The following CSMD1 variants were observed in gnomAD, a reference collection of about 807,000 sequenced individuals.
The protein encoded by CSMD1 is CUB and sushi domain-containing protein 1.
A neutral mutation model predicts 417.5 loss-of-function variants in CSMD1; 213 were observed. The observed-to-expected ratio is 0.51, with a 90% CI of 0.46 to 0.57. The LOEUF is 0.57. CSMD1 is among the 20% of genes least tolerant of loss of function. The probability of loss-of-function intolerance (pLI) is 0.00; values close to 1 mark genes in which losing one functional copy is unlikely to be tolerated. For synonymous variants in CSMD1, 2,862 were observed against 1,736.8 expected, an observed-to-expected ratio of 1.65 and a Z score of -16.11; for missense variants, 6,923 against 4,529.7, an observed-to-expected ratio of 1.53 and a Z score of -15.17.
chr8:3,076,000 G>A (rs145474679), intron 49 of CSMD1, among the ~76,000 whole-genome samples: 2,163 of 151,112 alleles, frequency 0.014, 28 homozygotes, highest in South Asian at 0.037. Flanking sequence ...GCAGTGAGCC[G>A]AGATCGCGCC....
chr8:4,424,704 C>A (rs188781965), intron 2 of CSMD1, among the ~76,000 whole-genome samples: 1 of 152,026 alleles, frequency 6.6e-6, no homozygotes, highest in African/African-American at 2.4e-5. Flanking sequence ...TCTGACCAAA[C>A]AATTGTTCTT....
chr8:4,128,076 A>G (rs918628791), intron 3 of CSMD1, among the ~76,000 whole-genome samples: 8 of 152,170 alleles, frequency 5.3e-5, no homozygotes, highest in East Asian at 3.9e-4. Flanking sequence ...CAAGACCTCA[A>G]AATGGTTCCT....
chr8:4,718,982 C>T (rs1406091483), intron 1 of CSMD1, among the ~76,000 whole-genome samples: 2 of 151,694 alleles, frequency 1.3e-5, no homozygotes, highest in Admixed American at 1.3e-4. Flanking sequence ...ATATGAAAAA[C>T]TTTGAAGATA....
At chr8:4,376,042 G>T (rs771272843) in intron 3 of CSMD1, among the ~76,000 whole-genome samples, 4 of 152,076 alleles carry the variant, frequency 2.6e-5, no homozygotes, top group Non-Finnish European at 4.4e-5. Flanking sequence ...TTTAAGTCTT[G>T]ATATCTATAC....
At chr8:4,204,229 C>A (rs1238068557) in intron 3 of CSMD1, among the ~76,000 whole-genome samples, 1 of 152,000 alleles carries the variant, frequency 6.6e-6, no homozygotes, top group Non-Finnish European at 1.5e-5. Context: ...ACCAGAACAT[C>A]CTCTTTTTTC....
chr8:4,272,738 C>T (rs1387429082), intron 3 of CSMD1, among the ~76,000 whole-genome samples: 1 of 152,062 alleles, frequency 6.6e-6, no homozygotes, highest in Non-Finnish European at 1.5e-5. Context: ...GTACATTTTT[C>T]ATTCTGTAAT....
chr8:4,061,635 G>A (rs374596380), intron 3 of CSMD1, among the ~76,000 whole-genome samples: 1 of 152,172 alleles, frequency 6.6e-6, no homozygotes, highest in East Asian at 1.9e-4. Flanking sequence ...GATTCTGCAA[G>A]GGAGGATGGA....
At chr8:3,853,363 G>C (rs186398416) in intron 5 of CSMD1, among the ~76,000 whole-genome samples, 9 of 152,032 alleles carry the variant, frequency 5.9e-5, no homozygotes, top group Non-Finnish European at 1.0e-4. Flanking sequence ...CTTTAAAAAG[G>C]TATTGTTATG....
chr8:4,022,441 G>C (rs945699879), intron 4 of CSMD1, among the ~76,000 whole-genome samples: 1 of 152,090 alleles, frequency 6.6e-6, no homozygotes, highest in Non-Finnish European at 1.5e-5. Context: ...ATCCATGGGC[G>C]TGGATGCAGA....
chr8:4,120,810 A>G (rs1802443899), intron 3 of CSMD1, among the ~76,000 whole-genome samples: 1 of 152,256 alleles, frequency 6.6e-6, no homozygotes, highest in Non-Finnish European at 1.5e-5. Context: ...AGCTCATGAC[A>G]TGCCAGAAAT....
intron 2 of CSMD1, among the ~76,000 whole-genome samples, chr8:4,570,082 A>C (rs1194401670): frequency 6.6e-6 from 1 of 152,190 alleles, no homozygotes; most frequent in African/African-American, 2.4e-5. Flanking sequence ...CGTCGTCTGC[A>C]AACAGAGACA....
chr8:3,714,088 T>C (rs575430436), intron 6 of CSMD1, among the ~76,000 whole-genome samples: 8 of 150,566 alleles, frequency 5.3e-5, no homozygotes, highest in Non-Finnish European at 8.9e-5. Flanking sequence ...ATGTATATAA[T>C]CATGTATATA....
At chr8:4,165,653 T>C (rs1028153878) in intron 3 of CSMD1, among the ~76,000 whole-genome samples, 5 of 152,156 alleles carry the variant, frequency 3.3e-5, no homozygotes, top group Admixed American at 6.5e-5. Context: ...TCATTGAACC[T>C]TGGCCTCCCA....
At chr8:3,917,294 G>A (rs1049464137) in intron 5 of CSMD1, among the ~76,000 whole-genome samples, 21 of 152,130 alleles carry the variant, frequency 1.4e-4, no homozygotes, top group Non-Finnish European at 1.9e-4. Context: ...GAAATTAGGT[G>A]ATGCGTTGGG....
chr8:3,705,503 G>A (rs1310337779), intron 7 of CSMD1, among the ~76,000 whole-genome samples: 1 of 152,176 alleles, frequency 6.6e-6, no homozygotes, highest in Non-Finnish European at 1.5e-5. Flanking sequence ...CCTGGCCACT[G>A]CTGTCACTTC....
At chr8:3,400,481 A>G (rs984143939) in intron 15 of CSMD1, among the ~76,000 whole-genome samples, 1 of 152,118 alleles carries the variant, frequency 6.6e-6, no homozygotes, top group Non-Finnish European at 1.5e-5. Flanking sequence ...AAAAATGTGA[A>G]TTAGTGAAAT....
chr8:4,153,144 C>A (rs1796658309), intron 3 of CSMD1, among the ~76,000 whole-genome samples: 1 of 152,116 alleles, frequency 6.6e-6, no homozygotes, highest in Non-Finnish European at 1.5e-5. Flanking sequence ...AATACTGAAT[C>A]TTGACTGTGG....
rs542136162 is a variant in CSMD1, at chr8:3,682,768, A to G, written c.1009+25646T>C. 8.0e-4 allele frequency among the ~76,000 whole-genome samples: 122 copies of G among 152,358 alleles called. 1 individual carries two copies. The highest frequency in any genetic ancestry group is 2.7e-3 in the Admixed American group (42 of 15,304). ...GTATGTTTATTGCGGCACTATTCACAATAGCAAAGACTTGGATCCAACCTA... is the reference window on the plus strand; with the variant it reads ...GTATGTTTATTGCGGCACTATTCACGATAGCAAAGACTTGGATCCAACCTA... On this transcript the variant is annotated intron_variant, in intron 7 of 69. Coordinates refer to ENST00000635120, the MANE Select transcript of CSMD1 (RefSeq NM_033225.6).
At chr8:3,411,825 T>TGCAC (rs1812745824) in intron 12 of CSMD1, among the ~76,000 whole-genome samples, 93 of 64,222 alleles carry the variant, frequency 1.4e-3, no homozygotes, top group East Asian at 0.011. Flanking sequence ...TACGTGTATA[T>TGCAC]GTATATATGC....
Sources: allele counts gnomAD v4.1 joint callset (sites outside exome capture counted in the v4.1 genomes callset), GRCh38; gene constraint gnomAD v4.1.1; transcripts MANE v1.5; gene names NCBI Gene and HGNC (gene_info 2026-07-23, HGNC 2026-07-21).